SLC24A3: variants seen among roughly 807,000 people sequenced by gnomAD.
SLC24A3 encodes the protein solute carrier family 24 member 3, also known as sodium/potassium/calcium exchanger 3.
In SLC24A3, 28 loss-of-function variants were observed where a neutral mutation model predicts 75.8. The observed-to-expected ratio is 0.37, with a 90% CI of 0.27 to 0.51. The LOEUF (loss-of-function observed/expected upper bound fraction) is 0.51. Ranked by LOEUF, SLC24A3 falls within the 20% of genes least tolerant of loss-of-function variation. The pLI is 0.94. For missense variants in SLC24A3, 663 were observed against 847.8 expected, an observed-to-expected ratio of 0.78 and a Z score of 2.71; for synonymous variants, 372 against 334.1, an observed-to-expected ratio of 1.11 and a Z score of -1.24.
intron 6 of SLC24A3, among the ~76,000 whole-genome samples, chr20:19,589,537 A>G (rs1355815077): frequency 1.3e-5 from 2 of 152,230 alleles, no homozygotes; most frequent in Non-Finnish European, 2.9e-5. Context: ...GTGAGCTCAT[A>G]GTAAAACATT....
chr20:19,301,222 A>G (rs999394471), intron 2 of SLC24A3, among the ~76,000 whole-genome samples: 3 of 152,150 alleles, frequency 2.0e-5, no homozygotes, highest in Admixed American at 6.5e-5. Context: ...TTGGGGAGAA[A>G]TGTGAAAATG....
intron 3 of SLC24A3, among the ~76,000 whole-genome samples, chr20:19,530,836 C>A (rs1360292421): frequency 1.3e-5 from 2 of 152,062 alleles, no homozygotes; most frequent in African/African-American, 4.8e-5. Flanking sequence ...ATCAGACACT[C>A]CAGGGGGAAA....
intron 2 of SLC24A3, among the ~76,000 whole-genome samples, chr20:19,495,652 G>GC (rs983465684): frequency 2.0e-4 from 31 of 152,340 alleles, no homozygotes; most frequent in African/African-American, 7.2e-4. Context: ...GATGATATTT[G>GC]CAAGACTTGA....
At chr20:19,537,478 A>G (rs1294183168) in intron 3 of SLC24A3, among the ~76,000 whole-genome samples, 1 of 152,154 alleles carries the variant, frequency 6.6e-6, no homozygotes, top group African/African-American at 2.4e-5. Context: ...GCGATTCCTC[A>G]GGGATCTAGA....
chr20:19,275,451 C>G (rs1026492936), intron 1 of SLC24A3, among the ~76,000 whole-genome samples: 1 of 152,230 alleles, frequency 6.6e-6, no homozygotes, highest in African/African-American at 2.4e-5. Flanking sequence ...AGAGAGCAGG[C>G]AGCTCCACCT....
chr20:19,280,414 G>A (rs1039325182), intron 1 of SLC24A3, among the ~76,000 whole-genome samples: 1 of 152,120 alleles, frequency 6.6e-6, no homozygotes, highest in Non-Finnish European at 1.5e-5. Flanking sequence ...TCATTTGGGG[G>A]CTGATTTCAG....
At chr20:19,473,434 T>C (rs1987907377) in intron 2 of SLC24A3, among the ~76,000 whole-genome samples, 1 of 152,236 alleles carries the variant, frequency 6.6e-6, no homozygotes, top group East Asian at 1.9e-4. Flanking sequence ...ATAGCAGTAG[T>C]GGTGGTGGCG....
chr20:19,241,630 TG>T (rs1982331898), intron 1 of SLC24A3, among the ~76,000 whole-genome samples: 1 of 152,224 alleles, frequency 6.6e-6, no homozygotes, highest in East Asian at 1.9e-4. Flanking sequence ...AAGCCAGCAT[TG>T]ACAAGTAGAT....
At chr20:19,318,989 G>A (rs553817114) in intron 2 of SLC24A3, among the ~76,000 whole-genome samples, 2 of 152,184 alleles carry the variant, frequency 1.3e-5, no homozygotes, top group African/African-American at 4.8e-5. Context: ...TCAGAAGAAA[G>A]TTCGAGAAGG....
intron 2 of SLC24A3, among the ~76,000 whole-genome samples, chr20:19,398,463 C>T (rs1986495429): frequency 6.6e-6 from 1 of 152,092 alleles, no homozygotes; most frequent in African/African-American, 2.4e-5. Flanking sequence ...ATTTTGTTTT[C>T]ATTTCAACTT....
At chr20:19,556,736 TTC>T (rs1013733362) in intron 3 of SLC24A3, among the ~76,000 whole-genome samples, 2 of 152,136 alleles carry the variant, frequency 1.3e-5, no homozygotes, top group African/African-American at 4.8e-5. Context: ...AAGTGGTATT[TTC>T]TCTCTTAATG....
chr20:19,678,386 G>C, intron 9 of SLC24A3, among the ~76,000 whole-genome samples: 1 of 129,656 alleles, frequency 7.7e-6, no homozygotes, highest in Admixed American at 7.2e-5. Context: ...CGGGCAGAGG[G>C]GCTCCTCACT....
chr20:19,397,088 G>A (rs1254148952), intron 2 of SLC24A3, among the ~76,000 whole-genome samples: 4 of 152,134 alleles, frequency 2.6e-5, no homozygotes, highest in Non-Finnish European at 4.4e-5. Context: ...TGATAAATGT[G>A]TTTGTATATG....
In SLC24A3 at chr20:19,212,920, G is replaced by T; in HGVS notation, c.78G>T (p.Gln26His). The change falls in exon 1 of 17, where the codon CAG (glutamine) becomes CAT (histidine). Residue 26 changes from glutamine to histidine, a missense_variant. Gln to His is a conservative substitution (Grantham distance 24). Coordinates refer to ENST00000328041, the MANE Select transcript of SLC24A3 (RefSeq NM_020689.4). ...GCCGGAGGGACCTTCTGCTGAGCCA[G>T]CTCTGCTTCCTGGCCTCGGTGGCGC... ...RRRRRDLLLS[Q>H]LCFLASVALL... The T allele has an allele frequency of 7.4e-7, 1 of 1,353,062 alleles. No individual in the cohort carries two copies. The allele number at this position is 1,353,062 out of a possible 1,614,324, so 83.8% of individuals were successfully genotyped here. A position where few individuals can be genotyped will look rare whatever the true frequency, so the allele number is the denominator to read the frequency against.
At chr20:19,360,697 GT>G (rs2122339473) in intron 2 of SLC24A3, among the ~76,000 whole-genome samples, 1 of 152,274 alleles carries the variant, frequency 6.6e-6, no homozygotes, top group Non-Finnish European at 1.5e-5. Flanking sequence ...ACATGTGATT[GT>G]CAACATCTCA....
chr20:19,228,702 A>G (rs931109137), intron 1 of SLC24A3, among the ~76,000 whole-genome samples: 1 of 152,158 alleles, frequency 6.6e-6, no homozygotes, highest in African/African-American at 2.4e-5. Context: ...ATTAACACTT[A>G]TTAAAGTGTT....
chr20:19,515,237 A>G (rs2029960909), intron 2 of SLC24A3, among the ~76,000 whole-genome samples: 1 of 152,230 alleles, frequency 6.6e-6, no homozygotes, highest in African/African-American at 2.4e-5. Context: ...CTGCACAAGT[A>G]TGATGGTATG....
At chr20:19,288,819 C>T (rs1476868583) in intron 2 of SLC24A3, among the ~76,000 whole-genome samples, 2 of 152,174 alleles carry the variant, frequency 1.3e-5, no homozygotes, top group Non-Finnish European at 2.9e-5. Context: ...CCACAGGGGG[C>T]CTGTCGACTG....
intron 13 of SLC24A3, 192 bp from the exon 14 acceptor site, chr20:19,696,603 ACC>A (rs1176029470): frequency 4.1e-6 from 2 of 485,212 alleles, no homozygotes; most frequent in African/African-American, 3.8e-5. Context: ...CTATTACAGC[ACC>A]GTCCCCTGAC....
Sources: gnomAD v4.1 joint callset for allele counts (sites outside exome capture counted in the v4.1 genomes callset) on GRCh38, gnomAD v4.1.1 for gene constraint, MANE v1.5 for transcripts, NCBI Gene and HGNC (gene_info 2026-07-23, HGNC 2026-07-21) for gene names.